The following SERPINB5 variants were observed in gnomAD, a reference collection of about 807,000 sequenced individuals.
SERPINB5 encodes the protein serpin B5.
A neutral mutation model predicts 32.2 loss-of-function variants in SERPINB5; 27 were observed. The observed-to-expected ratio is 0.84, with a 90% CI of 0.62 to 1.16. The LOEUF (loss-of-function observed/expected upper bound fraction) is 1.16, where lower values mean the gene tolerates loss of function less well. Ranked by LOEUF, SERPINB5 falls within the 50% of genes most tolerant of loss-of-function variation. The probability of loss-of-function intolerance (pLI) is 0.00; values close to 1 mark genes in which losing one functional copy is unlikely to be tolerated. For synonymous variants in SERPINB5, 154 were observed against 157.4 expected, an observed-to-expected ratio of 0.98 and a Z score of 0.16; for missense variants, 388 against 436.3, an observed-to-expected ratio of 0.89 and a Z score of 0.99.
chr18:63,496,200 A>G (rs1008295416), intron 5 of SERPINB5, among the ~76,000 whole-genome samples: 17 of 152,316 alleles, frequency 1.1e-4, no homozygotes, highest in African/African-American at 3.8e-4. Context: ...AATTGATGAC[A>G]GTTTTTGGAG....
chr18:63,486,424 A>G (rs1031635775), intron 2 of SERPINB5, among the ~76,000 whole-genome samples: 2 of 152,218 alleles, frequency 1.3e-5, no homozygotes, highest in African/African-American at 4.8e-5. Context: ...CTGAAATCTG[A>G]TTCCTGCCTG....
At chr18:63,479,597 A>T (rs1003515362) in intron 1 of SERPINB5, among the ~76,000 whole-genome samples, 1 of 152,092 alleles carries the variant, frequency 6.6e-6, no homozygotes, top group African/African-American at 2.4e-5. Flanking sequence ...GGTTTCTAGT[A>T]TGGGGGGTCT....
Position 63,504,744 on chromosome 18 carries a change from C to T in SERPINB5, c.*1022C>T, listed in dbSNP as rs1333726186. 1.3e-5 allele frequency: 2 copies of T among 151,932 alleles called. No individual in the cohort carries two copies. Among genetic ancestry groups the T allele is most frequent in the African/African-American group, 2.4e-5 (1 of 41,360 alleles). The allele number at this position is 151,932 out of a possible 1,614,324, so 9.4% of individuals were successfully genotyped here. Reference sequence around the variant, plus strand: ...CTTGTCTCTTCATCTAATATGATAGCGGGAAAAGGAGAGGAAACTACTGCC... The same window carrying T: ...CTTGTCTCTTCATCTAATATGATAGTGGGAAAAGGAGAGGAAACTACTGCC... On this transcript the variant is annotated 3_prime_UTR_variant, in exon 7 of 7. Transcript: ENST00000382771.
At chr18:63,497,234 C>T (rs1909466293) in intron 5 of SERPINB5, 8 of 803,896 alleles carry the variant, frequency 1.0e-5, no homozygotes, top group South Asian at 9.2e-5. Flanking sequence ...GTGGTTGGTT[C>T]AGGGGCTAGC....
At chr18:63,487,320 T>C (rs1435510216) in intron 3 of SERPINB5, among the ~76,000 whole-genome samples, 1 of 152,178 alleles carries the variant, frequency 6.6e-6, no homozygotes, top group Admixed American at 6.6e-5. Context: ...CTCTCTCAAA[T>C]AAATCTTACC....
chr18:63,481,087 C>T (rs993551057), intron 1 of SERPINB5, among the ~76,000 whole-genome samples: 3 of 152,196 alleles, frequency 2.0e-5, no homozygotes, highest in African/African-American at 7.2e-5. Flanking sequence ...GTCAGATGTG[C>T]ACTGATTTAC....
chr18:63,497,055 C>T (rs1213190770), intron 5 of SERPINB5: 15 of 569,274 alleles, frequency 2.6e-5, no homozygotes, highest in Non-Finnish European at 4.1e-5. Flanking sequence ...GGGTCTAATC[C>T]GGCCTGTGTC....
Position 63,503,451 on chromosome 18 carries a change from C to G in SERPINB5, c.857C>G (p.Ala286Gly), listed in dbSNP as rs1399131527. 3.1e-6 allele frequency: 5 copies of G among 1,614,232 alleles called. No homozygotes were observed. The highest frequency in any genetic ancestry group is 4.2e-6 in the Non-Finnish European group (5 of 1,180,044). ...FKVEKMIDPK[A>G]CLENLGLKHI... ...GTGGAAAAGATGATTGATCCCAAGG[C>G]TTGTCTGGAAAATCTAGGGCTGAAA... The change falls in exon 7 of 7, where the codon GCT becomes GGT. Residue 286 changes from alanine (A) to glycine (G), a missense_variant. Ala to Gly is a moderately conservative substitution (Grantham distance 60, BLOSUM62 0). Transcript: ENST00000382771.
Position 63,503,436 on chromosome 18 carries a change from T to C in SERPINB5, c.842T>C (p.Met281Thr). Residue 281 changes from methionine to threonine, a missense_variant, in exon 7 of 7, where the codon ATG (methionine) becomes ACG (threonine). By Grantham distance (81) the Met-to-Thr change is moderately conservative. Transcript: ENST00000382771. The stretch of plus-strand genomic sequence containing the variant: ...ATTCCAAAATTTAAGGTGGAAAAGA[T>C]GATTGATCCCAAGGCTTGTCTGGAA... ...LSIPKFKVEK[M>T]IDPKACLENL... 6.2e-7 allele frequency: 1 copy of C among 1,614,270 alleles called. No individual in the cohort carries two copies. The highest frequency in any genetic ancestry group is 8.5e-7 in the Non-Finnish European group (1 of 1,180,056).
chr18:63,493,357 A>C, intron 5 of SERPINB5: 1 of 571,526 alleles, frequency 1.7e-6, no homozygotes, highest in South Asian at 2.5e-5. Flanking sequence ...GAGGAAAGCT[A>C]AGTCACCAGC....
chr18:63,479,726 A>G (rs370765223), intron 1 of SERPINB5, among the ~76,000 whole-genome samples: 1 of 152,104 alleles, frequency 6.6e-6, no homozygotes, highest in Non-Finnish European at 1.5e-5. Flanking sequence ...CCTTTTCTTA[A>G]TGCTTACCCT....
chr18:63,493,330 A>C (rs1374715273), intron 5 of SERPINB5: 2 of 593,968 alleles, frequency 3.4e-6, no homozygotes. Flanking sequence ...GAAACTTTAT[A>C]GAATTTGTAA....
Position 63,498,814 on chromosome 18 carries a change from T to C in SERPINB5, c.568-306T>C. ...ATATATGTGTATATATGTGCATGTG[T>C]GTATATATGTATGGGGTATATATAT... On this transcript the variant is annotated intron_variant, in intron 5 of 6. Coordinates refer to ENST00000382771, the MANE Select transcript of SERPINB5 (RefSeq NM_002639.5). This position sits in a 1 kb window ranked among gnomAD's most constrained non-coding sequence, Gnocchi z 4.2. Among the ~76,000 whole-genome samples the C allele has an allele frequency of 6.7e-6, 1 of 149,660 alleles. No homozygotes were observed. Among genetic ancestry groups the C allele is most frequent in the East Asian group, 2.0e-4 (1 of 5,122 alleles).
intron 2 of SERPINB5, chr18:63,485,915 G>A (rs1246881504): frequency 2.0e-5 from 3 of 152,830 alleles, no homozygotes; most frequent in African/African-American, 7.2e-5. Context: ...GCCATTATGA[G>A]TTATGGAGCG....
chr18:63,491,089 C>T (rs1909323059), intron 4 of SERPINB5, among the ~76,000 whole-genome samples: 1 of 152,124 alleles, frequency 6.6e-6, no homozygotes, highest in South Asian at 2.1e-4. Flanking sequence ...TTTTCCATTC[C>T]TAAGTTACTT....
At position 63,503,768 on chromosome 18, in the gene SERPINB5, C is replaced by A. The variant is rs1205278255; in HGVS notation, c.*46C>A. ...TCCTCCCTGACTTTTCTGTGGATGC[C>A]GATTTCTGTAAACTCTGCATCCAGA... On this transcript the variant is annotated 3_prime_UTR_variant, in exon 7 of 7. Transcript: ENST00000382771. 1.3e-6 allele frequency: 2 copies of A among 1,565,384 alleles called. No individual in the cohort carries two copies. Among genetic ancestry groups the A allele is most frequent in the South Asian group, 1.1e-5 (1 of 87,600 alleles).
intron 4 of SERPINB5, chr18:63,490,607 G>C (rs184626098): frequency 6.6e-6 from 1 of 152,054 alleles, no homozygotes; most frequent in African/African-American, 2.4e-5. Context: ...AATGACTGGC[G>C]CCCCCAGCTA....
intron 4 of SERPINB5, 141 bp downstream of exon 4, chr18:63,489,605 C>A: frequency 1.7e-6 from 1 of 601,962 alleles, no homozygotes. Flanking sequence ...TCTTTCCCTT[C>A]AAGCCTGTAA....
At chr18:63,491,404 CAAA>C (rs1555670766) in intron 4 of SERPINB5, among the ~76,000 whole-genome samples, 2,091 of 81,060 alleles carry the variant, frequency 0.026, 10 homozygotes, top group Non-Finnish European at 0.035. Flanking sequence ...CTGCGTCTCC[CAAA>C]AAAAAAAAAA....
Sources: allele counts gnomAD v4.1 joint callset (sites outside exome capture counted in the v4.1 genomes callset), GRCh38; gene constraint gnomAD v4.1.1; non-coding constraint Gnocchi (gnomAD v3.1); transcripts MANE v1.5; gene names NCBI Gene and HGNC (gene_info 2026-07-23, HGNC 2026-07-21).